MMP9: variants seen among roughly 807,000 people sequenced by gnomAD.
MMP9 encodes the protein matrix metallopeptidase 9.
A neutral mutation model predicts 76.4 loss-of-function variants in MMP9; 73 were observed. The ratio of observed to expected loss-of-function variants is 0.96; its 90% CI spans 0.79 to 1.16. MMP9 has a LOEUF of 1.16. Ranked by LOEUF, MMP9 falls within the 50% of genes most tolerant of loss-of-function variation. The pLI is 0.00. For missense variants in MMP9, 943 were observed against 973.0 expected (o/e 0.97, Z 0.41); for synonymous variants, 412 against 408.4 (o/e 1.01, Z -0.11).
rs977960437 is a variant in MMP9 at position 46,014,199 on chromosome 20, A to T, written c.1826A>T (p.Asp609Val). 2.6e-6 allele frequency: 4 copies of T among 1,537,706 alleles called. No individual in the cohort carries two copies. Among genetic ancestry groups the T allele is most frequent in the Non-Finnish European group, 3.5e-6 (4 of 1,144,452 alleles). ...CTGGACAAGCTGGGCCTGGGAGCCG[A>T]CGTGGCCCAGGTGACCGGGGCCCTC... Reference protein sequence around the residue: ...RRLDKLGLGADVAQVTGALRS... With the variant: ...RRLDKLGLGAVVAQVTGALRS... Residue 609 changes from aspartate to valine, a missense_variant, in exon 11 of 13, where the codon GAC becomes GTC. Physicochemically the swap from Asp to Val is radical, Grantham distance 152. Transcript: ENST00000372330.
rs2084273295 is a variant in MMP9 at position 46,010,722 on chromosome 20, C to G, written c.520+91C>G. On this transcript the variant is annotated intron_variant, in intron 3 of 12. Coordinates refer to ENST00000372330, the MANE Select transcript of MMP9 (RefSeq NM_004994.3). Reference sequence around the variant, plus strand: ...AGCGTGGAGGCAGCAGTGGCCCCGGCTTCCTCTTGCCTGCCCGCGCTGCCC... The same window carrying G: ...AGCGTGGAGGCAGCAGTGGCCCCGGGTTCCTCTTGCCTGCCCGCGCTGCCC... 1.9e-6 allele frequency: 3 copies of G among 1,545,724 alleles called. No homozygotes were observed. In the East Asian group the frequency reaches 7.2e-5, roughly 37 times the overall value.
At chr20:46,012,636 A>G in intron 8 of MMP9, 54 bp downstream of exon 8, 3 of 1,209,380 alleles carry the variant, frequency 2.5e-6, no homozygotes. Flanking sequence ...GCTGTGCCAC[A>G]GTACCAAAGA....
At position 46,012,409 on chromosome 20, in the gene MMP9, G is replaced by A. The variant is rs1360308033; in HGVS notation, c.1175-18G>A. Reference sequence around the variant, plus strand: ...GGCTCGGCCCGGCGCTCACGTCTCAGGCTCCCTCTCCCTCCAGGATACAGT... The same window carrying A: ...GGCTCGGCCCGGCGCTCACGTCTCAAGCTCCCTCTCCCTCCAGGATACAGT... On this transcript the variant is annotated intron_variant, in intron 7 of 12. Coordinates refer to ENST00000372330, the MANE Select transcript of MMP9 (RefSeq NM_004994.3). The A allele has an allele frequency of 1.9e-6, 3 of 1,613,990 alleles. No individual in the cohort carries two copies. Among genetic ancestry groups the A allele is most frequent in the East Asian group, 4.5e-5 (2 of 44,880 alleles).
In MMP9 at chr20:46,013,230, A is replaced by G. The variant is rs373715764; in HGVS notation, c.1331-25A>G. 6.2e-6 allele frequency: 10 copies of G among 1,613,820 alleles called. No homozygotes were observed. The African/African-American group carries it at 1.2e-4, about 19-fold the overall frequency. Reference sequence around the variant, plus strand: ...TACAGAGGTATGCAGGAATAGGAAGAGTCTCACCCCGTGTCTCTTTTTAGG... The same window carrying G: ...TACAGAGGTATGCAGGAATAGGAAGGGTCTCACCCCGTGTCTCTTTTTAGG... On this transcript the variant is annotated intron_variant, in intron 8 of 12. Transcript: ENST00000372330. This position sits in a 1 kb window ranked among gnomAD's most constrained non-coding sequence, Gnocchi z 4.5.
At chr20:46,011,920 C>T (rs1467348232) in intron 6 of MMP9, among the ~76,000 whole-genome samples, 173 bp downstream of exon 6, 1 of 152,240 alleles carries the variant, frequency 6.6e-6, no homozygotes, top group Non-Finnish European at 1.5e-5. Flanking sequence ...CTTCCAATGG[C>T]CCCGCCCCAG....
intron 12 of MMP9, among the ~76,000 whole-genome samples, chr20:46,015,391 T>G (rs1359338589): frequency 6.6e-6 from 1 of 152,206 alleles, no homozygotes; most frequent in Non-Finnish European, 1.5e-5. Flanking sequence ...TGATGCTTAT[T>G]ATCTATTTAC....
chr20:46,013,696 G>A lies in MMP9; in HGVS notation c.1650G>A (p.Pro550=). 1 of 1,613,698 alleles carries A rather than the reference G, an allele frequency of 6.2e-7. No individual in the cohort carries two copies. Among genetic ancestry groups the A allele is most frequent in the Non-Finnish European group, 8.5e-7 (1 of 1,179,890 alleles). ...WRFSEGRGSR[P]QGPFLIADKW... ...TCTCTGAGGGCAGGGGGAGCCGGCC[G>A]CAGGGCCCCTTCCTTATCGCCGACA... is the stretch of plus-strand genomic sequence containing the variant. The change falls in exon 10 of 13, where the codon CCG becomes CCA. Residue 550 remains proline, a synonymous_variant. Transcript: ENST00000372330. This position sits in a 1 kb window ranked among gnomAD's most constrained non-coding sequence, Gnocchi z 4.5.
Position 46,013,333 on chromosome 20 carries a change from C to T in MMP9, c.1409C>T (p.Thr470Ile), listed in dbSNP as rs375741446. Residue 470 changes from threonine to isoleucine, a missense_variant, in exon 9 of 13, where the codon ACC becomes ATC. Physicochemically the swap from Thr to Ile is moderately conservative, Grantham distance 89. Transcript: ENST00000372330. This position sits in a 1 kb window ranked among gnomAD's most constrained non-coding sequence, Gnocchi z 4.5. ...QPTAPPTVCPTGPPTVHPSER... is the reference protein window; with the variant it reads ...QPTAPPTVCPIGPPTVHPSER... ...ACGGCTCCCCCGACGGTCTGCCCCA[C>T]CGGACCCCCCACTGTCCACCCCTCA... is the stretch of plus-strand genomic sequence containing the variant. 8 of 1,613,730 alleles carry T rather than the reference C, an allele frequency of 5.0e-6. No individual in the cohort carries two copies. Among genetic ancestry groups the T allele is most frequent in the Non-Finnish European group, 6.8e-6 (8 of 1,179,810 alleles).
At chr20:46,010,680 A>G (rs1198143776) in intron 3 of MMP9, 49 bp downstream of exon 3, 6 of 1,586,130 alleles carry the variant, frequency 3.8e-6, no homozygotes, top group Admixed American at 1.8e-5. Flanking sequence ...GGGGTCAGGG[A>G]AGGGAGGACC....
At chr20:46,015,444 TTC>T (rs1221489694) in intron 12 of MMP9, among the ~76,000 whole-genome samples, 2 of 139,492 alleles carry the variant, frequency 1.4e-5, no homozygotes, top group African/African-American at 5.4e-5. Context: ...TTCTTTTTTT[TTC>T]TTTTTTCTTT....
chr20:46,012,931 C>CA (rs1005788282), intron 8 of MMP9, among the ~76,000 whole-genome samples: 35 of 152,214 alleles, frequency 2.3e-4, no homozygotes, highest in African/African-American at 7.9e-4. Context: ...CCCATCTCTA[C>CA]AAAAAATAAA....
In MMP9 at chr20:46,013,564, A is replaced by C; in HGVS notation, c.1610+30A>C. On this transcript the variant is annotated intron_variant, in intron 9 of 12. Coordinates refer to ENST00000372330, the MANE Select transcript of MMP9 (RefSeq NM_004994.3). This position sits in a 1 kb window ranked among gnomAD's most constrained non-coding sequence, Gnocchi z 4.5. ...GGAGGCGGGGTTGTGTGGATGCGGG[A>C]GGGGGCTTTGCGGAGGGGCTGCCCG... 1 of 1,611,966 alleles carries C rather than the reference A, an allele frequency of 6.2e-7. No individual in the cohort carries two copies. Among genetic ancestry groups the C allele is most frequent in the Admixed American group, 1.7e-5 (1 of 59,912 alleles).
At chr20:46,016,037 C>T (rs990379323) in intron 12 of MMP9, among the ~76,000 whole-genome samples, 1 of 152,238 alleles carries the variant, frequency 6.6e-6, no homozygotes, top group South Asian at 2.1e-4. Flanking sequence ...GTGTGCTAGG[C>T]TCTGTGGCAG....
rs2084295284 is a variant in MMP9, at chr20:46,013,211, G to A, written c.1331-44G>A. ...GGAGCAGATGTTCTAGGGGTACAGA[G>A]GTATGCAGGAATAGGAAGAGTCTCA... is the stretch of plus-strand genomic sequence containing the variant. On this transcript the variant is annotated intron_variant, in intron 8 of 12. Transcript: ENST00000372330. The surrounding 1 kb of genome is among the most constrained non-coding windows in gnomAD (Gnocchi z 4.5). 1.2e-6 allele frequency: 2 copies of A among 1,612,252 alleles called. No homozygotes were observed. The highest frequency in any genetic ancestry group is 1.7e-6 in the Non-Finnish European group (2 of 1,178,486).
At position 46,013,998 on chromosome 20, in the gene MMP9, C is replaced by T; in HGVS notation, c.1751-126C>T. On this transcript the variant is annotated intron_variant, in intron 10 of 12. Transcript: ENST00000372330. The surrounding 1 kb of genome is among the most constrained non-coding windows in gnomAD (Gnocchi z 4.5). ...CGCGTCGCTCTACCCAGCGCCTCTGCCCCTGGGTTGCAGGGACTGCGGGCA... is the reference window on the plus strand; with the variant it reads ...CGCGTCGCTCTACCCAGCGCCTCTGTCCCTGGGTTGCAGGGACTGCGGGCA... 6.9e-7 allele frequency: 1 copy of T among 1,449,996 alleles called. No individual in the cohort carries two copies. Among genetic ancestry groups the T allele is most frequent in the Non-Finnish European group, 9.3e-7 (1 of 1,077,282 alleles). 89.8% of individuals were successfully genotyped at this position (1,449,996 alleles called of 1,614,324 possible).
rs1413989692 is a variant in MMP9, at chr20:46,013,634, C to T, written c.1611-23C>T. 1.9e-6 allele frequency: 3 copies of T among 1,614,112 alleles called. No individual in the cohort carries two copies. The highest frequency in any genetic ancestry group is 1.7e-5 in the Admixed American group (1 of 60,024). ...CCTGTGTCCAAGGCTTAGAGCCCGT[C>T]CTTTCCCTCCTCGCTTTCTCAGGAA... On this transcript the variant is annotated intron_variant, in intron 9 of 12. Coordinates refer to ENST00000372330, the MANE Select transcript of MMP9 (RefSeq NM_004994.3). The surrounding 1 kb of genome is among the most constrained non-coding windows in gnomAD (Gnocchi z 4.5).
rs2084263777 is a variant in MMP9, at chr20:46,009,873, T to C, written c.146T>C (p.Leu49Pro). ...LTDRQLAEEY[L>P]YRYGYTRVAE... Reference sequence around the variant, plus strand: ...GTGTCCCTTCATCCACAGGAATACCTGTACCGCTATGGTTACACTCGGGTG... The same window carrying C: ...GTGTCCCTTCATCCACAGGAATACCCGTACCGCTATGGTTACACTCGGGTG... The change falls in exon 2 of 13, where the codon CTG becomes CCG. Residue 49 changes from leucine to proline, a missense_variant. By Grantham distance (98) the Leu-to-Pro change is moderately conservative. Coordinates refer to ENST00000372330, the MANE Select transcript of MMP9 (RefSeq NM_004994.3). 1 of 1,551,868 alleles carries C rather than the reference T, an allele frequency of 6.4e-7. No homozygotes were observed. The highest frequency in any genetic ancestry group is 2.0e-5 in the Admixed American group (1 of 51,022).
intron 10 of MMP9, 85 bp from the exon 11 acceptor site, chr20:46,014,039 G>T: frequency 6.6e-7 from 1 of 1,521,742 alleles, no homozygotes; most frequent in South Asian, 1.2e-5. Flanking sequence ...GCTAGGAAAG[G>T]CCTCGCCGGA....
intron 1 of MMP9, 40 bp downstream of exon 1, chr20:46,009,104 G>C: frequency 2.5e-6 from 4 of 1,604,008 alleles, no homozygotes; most frequent in Non-Finnish European, 3.4e-6. Context: ...AGGGCTGTCC[G>C]TGAGGGTGTT....
Sources: allele counts gnomAD v4.1 joint callset (sites outside exome capture counted in the v4.1 genomes callset), GRCh38; gene constraint gnomAD v4.1.1; non-coding constraint Gnocchi (gnomAD v3.1); transcripts MANE v1.5; gene names NCBI Gene and HGNC (gene_info 2026-07-23, HGNC 2026-07-21).